The following SLC5A11 variants were observed in gnomAD, a reference collection of about 807,000 sequenced individuals.
The protein encoded by SLC5A11 is sodium/myo-inositol cotransporter 2.
In SLC5A11, 48 loss-of-function variants were observed where a neutral mutation model predicts 69.8. That is an observed-to-expected ratio of 0.69 (90% CI 0.55 to 0.87). The LOEUF (loss-of-function observed/expected upper bound fraction) is 0.87, where lower values mean the gene tolerates loss of function less well. Ranked by LOEUF, SLC5A11 falls within the 40% of genes least tolerant of loss-of-function variation. The probability of loss-of-function intolerance (pLI) is 0.00; values close to 1 mark genes in which losing one functional copy is unlikely to be tolerated. For synonymous variants in SLC5A11, 319 were observed against 342.4 expected (o/e 0.93, Z 0.75); for missense variants, 784 against 866.1 (o/e 0.91, Z 1.19).
At chr16:24,903,565 T>C (rs1185617377) in intron 10 of SLC5A11, among the ~76,000 whole-genome samples, 1 of 152,198 alleles carries the variant, frequency 6.6e-6, no homozygotes, top group African/African-American at 2.4e-5. Context: ...TGAGCTCAAC[T>C]TTTCAAGCTT....
chr16:24,882,103 T>C (rs948724236), intron 7 of SLC5A11, among the ~76,000 whole-genome samples: 1 of 152,148 alleles, frequency 6.6e-6, no homozygotes, highest in Non-Finnish European at 1.5e-5. Flanking sequence ...GTTCCTTGTT[T>C]GGAGGTCTGT....
chr16:24,879,270 G>T (rs2047890783), intron 7 of SLC5A11, among the ~76,000 whole-genome samples: 1 of 151,562 alleles, frequency 6.6e-6, no homozygotes, highest in Admixed American at 6.6e-5. Flanking sequence ...TAGGTATATT[G>T]CATGATGCTG....
intron 6 of SLC5A11, 30 bp from the exon 8 acceptor site, chr16:24,877,228 T>G: frequency 6.2e-7 from 1 of 1,611,012 alleles, no homozygotes; most frequent in Non-Finnish European, 8.5e-7. Context: ...TTCGTTCATT[T>G]GTTCATCCAT....
Position 24,850,440 on chromosome 16 carries a change from G to C in SLC5A11, c.-25+4002G>C, listed in dbSNP as rs533990248. 2.5e-3 allele frequency among the ~76,000 whole-genome samples: 388 copies of C among 152,344 alleles called. 1 individual carries two copies. Among genetic ancestry groups the C allele is most frequent in the Non-Finnish European group, 4.1e-3 (278 of 68,032 alleles). ...AGGGCTGCCTCCACTAGGCTCCCTA[G>C]ACCCAGGCCAGGCCAGGGCACAGCT... On this transcript the variant is annotated intron_variant, in intron 1 of 15. Transcript: ENST00000347898.
At chr16:24,907,733 A>G (rs2050176843) in intron 12 of SLC5A11, among the ~76,000 whole-genome samples, 1 of 151,844 alleles carries the variant, frequency 6.6e-6, no homozygotes, top group Non-Finnish European at 1.5e-5. Context: ...ATAATAAAAT[A>G]AAATAAGCTG....
At chr16:24,910,530 T>C (rs1011632390) in intron 15 of SLC5A11, 53 bp downstream of exon 16, 1 of 1,506,956 alleles carries the variant, frequency 6.6e-7, no homozygotes, top group African/African-American at 1.5e-5. Context: ...GTTAAAGGGA[T>C]TGATTTTTTT....
At chr16:24,890,483 CAAAAAAAAAAAAAAAAAAAA>C (rs1171814653) in intron 8 of SLC5A11, among the ~76,000 whole-genome samples, 2 of 77,506 alleles carry the variant, frequency 2.6e-5, no homozygotes, top group Non-Finnish European at 4.4e-5. Context: ...GACTTCATAT[CAAAAAAAAAAAAAAAAAAAA>C]AAAAAAAAAA....
chr16:24,877,278 C>T (rs2047736270), exon 7 of SLC5A11: 2 of 1,613,984 alleles, frequency 1.2e-6, no homozygotes, highest in Non-Finnish European at 8.5e-7. Flanking sequence ...ATGCAGGTGC[C>T]ATCTTCATCC....
chr16:24,897,939 C>T lies in SLC5A11; in HGVS notation c.871-35C>T, dbSNP rs748972745. On this transcript the variant is annotated intron_variant, in intron 9 of 15. Transcript: ENST00000347898. ...TGGGGACACAACCAAACTATATCAG[C>T]ATTCCCAGTTTCCAACCCCCTTGAT... The T allele has an allele frequency of 8.7e-6, 14 of 1,609,568 alleles. No individual in the cohort carries two copies. The Middle Eastern group carries it at 5.2e-4, about 60-fold the overall frequency.
At position 24,851,650 on chromosome 16, in the gene SLC5A11, G is replaced by A. The variant is rs565270909; in HGVS notation, c.-25+5212G>A. On this transcript the variant is annotated intron_variant, in intron 1 of 15. Coordinates refer to ENST00000347898, the Ensembl canonical transcript of SLC5A11. ...AAAATGGTTTTATAAAATGGACGGGGAACAGAACAAGTACTCTGTATTTAA... is the reference window on the plus strand; with the variant it reads ...AAAATGGTTTTATAAAATGGACGGGAAACAGAACAAGTACTCTGTATTTAA... 5.3e-5 allele frequency among the ~76,000 whole-genome samples: 8 copies of A among 152,310 alleles called. No homozygotes were observed. The South Asian group carries it at 1.7e-3, about 32-fold the overall frequency.
intron 1 of SLC5A11, among the ~76,000 whole-genome samples, chr16:24,847,295 T>TTTC (rs143879683): frequency 6.9e-6 from 1 of 145,142 alleles, no homozygotes; most frequent in African/African-American, 2.6e-5. Context: ...CTTTTCCCTT[T>TTTC]TTTCTTTCTT....
intron 1 of SLC5A11, among the ~76,000 whole-genome samples, chr16:24,850,164 G>A (rs992723957): frequency 1.4e-4 from 22 of 152,180 alleles, no homozygotes; most frequent in African/African-American, 5.3e-4. Flanking sequence ...TGCCCAAGCT[G>A]GGCTCAAACT....
At chr16:24,911,166 CAAAAAAA>C (rs59292009) in intron 15 of SLC5A11, among the ~76,000 whole-genome samples, 155 bp from the exon 17 acceptor site, 3 of 66,054 alleles carry the variant, frequency 4.5e-5, no homozygotes, top group Admixed American at 3.7e-4. Context: ...GAGACTCTCT[CAAAAAAA>C]AAAAAAAAAA....
At chr16:24,907,532 T>C (rs1216749401) in intron 12 of SLC5A11, among the ~76,000 whole-genome samples, 2 of 151,978 alleles carry the variant, frequency 1.3e-5, no homozygotes, top group African/African-American at 4.8e-5. Flanking sequence ...GCCAACATGG[T>C]GAAACCTCAT....
chr16:24,866,782 C>CA (rs1318783388), intron 3 of SLC5A11, among the ~76,000 whole-genome samples: 3 of 151,576 alleles, frequency 2.0e-5, no homozygotes, highest in Non-Finnish European at 4.4e-5. Context: ...TCACTAGAGA[C>CA]AAAAAAGAAA....
chr16:24,849,572 CAAAAAA>C (rs1182615959), intron 1 of SLC5A11, among the ~76,000 whole-genome samples: 4,548 of 38,290 alleles, frequency 0.12, 421 homozygotes, highest in Admixed American at 0.27. Flanking sequence ...GCCTTGGGGG[CAAAAAA>C]AAAAAAAAAA....
intron 7 of SLC5A11, among the ~76,000 whole-genome samples, chr16:24,880,844 C>G (rs973274939): frequency 1.3e-5 from 2 of 152,164 alleles, no homozygotes; most frequent in Non-Finnish European, 2.9e-5. Context: ...AGTGCATCAG[C>G]ATTTCCTTTT....
At chr16:24,888,578 G>T (rs539937807) in intron 8 of SLC5A11, among the ~76,000 whole-genome samples, 1 of 147,496 alleles carries the variant, frequency 6.8e-6, no homozygotes, top group African/African-American at 2.5e-5. Flanking sequence ...CCACCTCTTG[G>T]GTTCAAGTGA....
chr16:24,884,786 G>C (rs547726739), intron 8 of SLC5A11, among the ~76,000 whole-genome samples: 36 of 151,836 alleles, frequency 2.4e-4, no homozygotes, highest in African/African-American at 8.5e-4. Context: ...TGCCACCCAG[G>C]CTGAAGTGCA....
Sources: gnomAD v4.1 joint callset for allele counts (sites outside exome capture counted in the v4.1 genomes callset) on GRCh38, gnomAD v4.1.1 for gene constraint, MANE v1.5 for transcripts, NCBI Gene and HGNC (gene_info 2026-07-23, HGNC 2026-07-21) for gene names.